DIPK1A: variants seen among roughly 807,000 people sequenced by gnomAD.
DIPK1A encodes the protein family with sequence similarity 69 member A.
DIPK1A carries 27 observed loss-of-function variants against 40.8 expected under a neutral mutation model. The ratio of observed to expected loss-of-function variants is 0.66; its 90% CI spans 0.49 to 0.91. The LOEUF (loss-of-function observed/expected upper bound fraction) is 0.91. Ranked by LOEUF, DIPK1A falls within the 40% of genes least tolerant of loss-of-function variation. DIPK1A has a pLI of 0.00. For missense variants in DIPK1A, 412 were observed against 505.7 expected (o/e 0.81, Z 1.78); for synonymous variants, 166 against 171.3 (o/e 0.97, Z 0.24).
chr1:92,844,012 C>T lies in DIPK1A; in HGVS notation c.658G>A (p.Gly220Arg), dbSNP rs1205406125. 3 of 1,551,956 alleles carry T rather than the reference C, an allele frequency of 1.9e-6. No individual in the cohort carries two copies. Among genetic ancestry groups the T allele is most frequent in the Non-Finnish European group, 2.6e-6 (3 of 1,147,080 alleles). ...ATCACATAGAGGTCACCACAGAATC[C>T]CATTAATTTGGGGGTATGTTCTTTA... ...QDKEHTPKLM[G>R]FCGDLYVMES... Residue 220 changes from glycine (G) to arginine (R), a missense_variant, in exon 5 of 5, where the codon GGA becomes AGA. Coordinates refer to ENST00000370310, the MANE Select transcript of DIPK1A (RefSeq NM_001006605.5).
intron 1 of DIPK1A, among the ~76,000 whole-genome samples, chr1:92,912,964 C>T (rs1482578317): frequency 6.6e-6 from 1 of 151,872 alleles, no homozygotes; most frequent in African/African-American, 2.4e-5. Context: ...ATTAGCTAGG[C>T]ATGGTGGCAT....
intron 2 of DIPK1A, among the ~76,000 whole-genome samples, chr1:92,868,360 A>T (rs1275482869): frequency 1.3e-5 from 2 of 152,226 alleles, no homozygotes; most frequent in Non-Finnish European, 2.9e-5. Context: ...CTAAAGTAAT[A>T]AGACAGATTT....
Position 92,961,369 on chromosome 1 carries a change from G to A in DIPK1A, c.54+7C>T, listed in dbSNP as rs1466240260. On this transcript the variant is annotated splice_region_variant and intron_variant, in intron 1 of 4. Transcript: ENST00000370310. ...CGCAGCTGGTGGCTGGGCGGCCGCC[G>A]GCCTACCTGGAGGTAATAGGGTTTC... 3 of 1,512,190 alleles carry A rather than the reference G, an allele frequency of 2.0e-6. No homozygotes were observed. The highest frequency in any genetic ancestry group is 2.7e-6 in the Non-Finnish European group (3 of 1,126,458). 93.7% of individuals were successfully genotyped at this position (1,512,190 alleles called of 1,614,324 possible).
chr1:92,914,112 T>A (rs1024063638), intron 1 of DIPK1A, among the ~76,000 whole-genome samples: 2 of 151,564 alleles, frequency 1.3e-5, no homozygotes, highest in Non-Finnish European at 2.9e-5. Context: ...GGAAAGGAAC[T>A]AAGGGTATAG....
intron 2 of DIPK1A, 61 bp downstream of exon 2, chr1:92,876,235 A>C: frequency 9.8e-7 from 1 of 1,019,064 alleles, no homozygotes; most frequent in Non-Finnish European, 1.4e-6. Flanking sequence ...GTAAGTATGT[A>C]AGCAGTAAAT....
chr1:92,919,644 C>T (rs1650197860), intron 1 of DIPK1A, among the ~76,000 whole-genome samples: 1 of 152,164 alleles, frequency 6.6e-6, no homozygotes, highest in Admixed American at 6.5e-5. Flanking sequence ...TATAATTAAC[C>T]TCCTTACGTT....
chr1:92,854,381 C>A (rs2100733667), intron 2 of DIPK1A, among the ~76,000 whole-genome samples: 1 of 152,342 alleles, frequency 6.6e-6, no homozygotes, highest in Non-Finnish European at 1.5e-5. Context: ...AGCCAGGATT[C>A]TAGCCCAGTC....
At chr1:92,940,954 TCTAACTGGACTATTTTTTAAAA>T (rs1253596463) in intron 1 of DIPK1A, among the ~76,000 whole-genome samples, 1 of 152,226 alleles carries the variant, frequency 6.6e-6, no homozygotes, top group African/African-American at 2.4e-5. Context: ...TTTCCCACTT[TCTAACTGGACTATTTTTTAAAA>T]CTGAGTTTTG....
chr1:92,948,121 A>G (rs1161971349), intron 1 of DIPK1A, among the ~76,000 whole-genome samples: 1 of 152,256 alleles, frequency 6.6e-6, no homozygotes, highest in Non-Finnish European at 1.5e-5. Flanking sequence ...TGATTTGATC[A>G]TTATACTTAC....
chr1:92,911,083 G>T (rs1649808904), intron 1 of DIPK1A, among the ~76,000 whole-genome samples: 2 of 152,068 alleles, frequency 1.3e-5, no homozygotes, highest in Non-Finnish European at 2.9e-5. Flanking sequence ...CTTTTTTTCG[G>T]CAAGCATAAT....
chr1:92,867,215 CTT>C (rs5776161), intron 2 of DIPK1A, among the ~76,000 whole-genome samples: 392 of 125,610 alleles, frequency 3.1e-3, no homozygotes, highest in East Asian at 6.3e-3. Context: ...TACTCCAATT[CTT>C]TTTTTTTTTT....
intron 1 of DIPK1A, among the ~76,000 whole-genome samples, chr1:92,939,820 C>G (rs1651082989): frequency 6.6e-6 from 1 of 152,070 alleles, no homozygotes; most frequent in Admixed American, 6.6e-5. Flanking sequence ...CCAGTGGTGG[C>G]CCATGCCTGT....
intron 2 of DIPK1A, among the ~76,000 whole-genome samples, chr1:92,859,860 C>A (rs955954216): frequency 1.3e-5 from 2 of 152,108 alleles, no homozygotes; most frequent in Non-Finnish European, 2.9e-5. Context: ...CATGCCACCA[C>A]CCTGGCTAAT....
chr1:92,846,504 G>T, intron 4 of DIPK1A: 2 of 324,002 alleles, frequency 6.2e-6, no homozygotes. Flanking sequence ...CACCTTTTTT[G>T]AATTAATTTT....
At position 92,948,841 on chromosome 1, in the gene DIPK1A, G is replaced by A. The variant is rs370237732; in HGVS notation, c.54+12535C>T. ...CCCCCTGAGGTGGAGTTTCACTCTTGTTGCCCAGGCTGGAGTGCAATGGTG... is the reference window on the plus strand; with the variant it reads ...CCCCCTGAGGTGGAGTTTCACTCTTATTGCCCAGGCTGGAGTGCAATGGTG... On this transcript the variant is annotated intron_variant, in intron 1 of 4. Coordinates refer to ENST00000370310, the MANE Select transcript of DIPK1A (RefSeq NM_001006605.5). Among the ~76,000 whole-genome samples, 481 of 149,692 alleles carry A rather than the reference G, an allele frequency of 3.2e-3. 4 individuals are homozygous for A. The highest frequency in any genetic ancestry group is 0.011 in the African/African-American group (447 of 40,664).
intron 4 of DIPK1A, among the ~76,000 whole-genome samples, chr1:92,834,219 A>G (rs1450698865): frequency 1.3e-5 from 2 of 152,194 alleles, no homozygotes; most frequent in Non-Finnish European, 2.9e-5. Flanking sequence ...CCACTTAACC[A>G]CTGAAAAGGT....
chr1:92,865,367 C>G (rs1487230509), intron 2 of DIPK1A, among the ~76,000 whole-genome samples: 1 of 149,688 alleles, frequency 6.7e-6, no homozygotes, highest in African/African-American at 2.5e-5. Context: ...TGTCTCCAAA[C>G]AAAACAAAAA....
intron 1 of DIPK1A, among the ~76,000 whole-genome samples, chr1:92,927,894 A>G (rs1298208582): frequency 6.6e-6 from 1 of 152,106 alleles, no homozygotes. Flanking sequence ...CTTTTTTACT[A>G]TTTTAAATAA....
In DIPK1A at chr1:92,842,248, G is replaced by GC. The variant is rs2100701489; in HGVS notation, c.*1134dup. ...TAAACAAAACTGGTGCTAATCCATGGCGTTGAAGGAAAGTTTTGAGAGAAA... is the reference window on the plus strand; with the variant it reads ...TAAACAAAACTGGTGCTAATCCATGGCCGTTGAAGGAAAGTTTTGAGAGAAA... On this transcript the variant is annotated 3_prime_UTR_variant, in exon 5 of 5. Transcript: ENST00000370310. 2.0e-6 allele frequency: 2 copies of GC among 989,270 alleles called. No individual in the cohort carries two copies. Among genetic ancestry groups the GC allele is most frequent in the Admixed American group, 6.1e-5 (1 of 16,502 alleles). 61.3% of individuals were successfully genotyped at this position (989,270 alleles called of 1,614,324 possible).
Sources: allele counts gnomAD v4.1 joint callset (sites outside exome capture counted in the v4.1 genomes callset), GRCh38; gene constraint gnomAD v4.1.1; transcripts MANE v1.5; gene names NCBI Gene and HGNC (gene_info 2026-07-23, HGNC 2026-07-21).